LRIF1: variants seen among roughly 807,000 people sequenced by gnomAD.
LRIF1 encodes ligand-dependent nuclear receptor-interacting factor 1.
A neutral mutation model predicts 52.7 loss-of-function variants in LRIF1; 32 were observed. The observed-to-expected ratio is 0.61, with a 90% CI of 0.46 to 0.82. The LOEUF (loss-of-function observed/expected upper bound fraction) is 0.82, where lower values mean the gene tolerates loss of function less well. Ranked by LOEUF, LRIF1 falls within the 40% of genes least tolerant of loss-of-function variation. LRIF1 has a pLI of 0.00. For synonymous variants in LRIF1, 323 were observed against 317.4 expected, an observed-to-expected ratio of 1.02 and a Z score of -0.19; for missense variants, 887 against 892.0, an observed-to-expected ratio of 0.99 and a Z score of 0.07.
At chr1:110,931,168 T>C in the LRIF1 span, among the ~76,000 whole-genome samples, 1 of 152,168 alleles carries the variant, frequency 6.6e-6, no homozygotes, top group Non-Finnish European at 1.5e-5. Context: ...TGCTGTGTGA[T>C]GTTCCCCTCT....
chr1:110,893,890 T>C, the LRIF1 span, among the ~76,000 whole-genome samples: 1 of 152,220 alleles, frequency 6.6e-6, no homozygotes, highest in Non-Finnish European at 1.5e-5. Flanking sequence ...GCTAGGACCC[T>C]TCTTTCTACC....
At chr1:110,900,267 G>C in the LRIF1 span, among the ~76,000 whole-genome samples, 1 of 152,090 alleles carries the variant, frequency 6.6e-6, no homozygotes, top group South Asian at 2.1e-4. Context: ...GCCTTTCCAC[G>C]GGGCTTCCTT....
chr1:110,937,984 C>T, the LRIF1 span: 1 of 152,022 alleles, frequency 6.6e-6, no homozygotes, highest in African/African-American at 2.4e-5. Context: ...TTCCTAGACA[C>T]ATATAATGTT....
At chr1:110,909,838 C>T in the LRIF1 span, among the ~76,000 whole-genome samples, 1 of 152,060 alleles carries the variant, frequency 6.6e-6, no homozygotes, top group Non-Finnish European at 1.5e-5. Flanking sequence ...ACCTCTGCCT[C>T]CCAAAGTGCT....
the LRIF1 span, among the ~76,000 whole-genome samples, chr1:110,895,802 T>C: frequency 6.6e-6 from 1 of 152,200 alleles, no homozygotes; most frequent in African/African-American, 2.4e-5. Context: ...TCTTCAATAG[T>C]TAACATTTTC....
At chr1:110,954,321 T>C (rs1658604372) in intron 1 of LRIF1, among the ~76,000 whole-genome samples, 1 of 152,136 alleles carries the variant, frequency 6.6e-6, no homozygotes, top group Non-Finnish European at 1.5e-5. Flanking sequence ...GGCTCTGTCA[T>C]CCAGACTGGA....
intron 1 of LRIF1, among the ~76,000 whole-genome samples, chr1:110,956,689 T>G (rs1378686086): frequency 1.3e-5 from 2 of 152,142 alleles, no homozygotes; most frequent in Non-Finnish European, 2.9e-5. Context: ...GGAAAAGATC[T>G]CTGTAATAAA....
At chr1:110,896,722 C>G in the LRIF1 span, 2 of 1,612,464 alleles carry the variant, frequency 1.2e-6, no homozygotes, top group Non-Finnish European at 1.7e-6. Context: ...CCCCTCAGAT[C>G]GAAAAGTGGA....
At chr1:110,894,783 C>A in the LRIF1 span, among the ~76,000 whole-genome samples, 43 of 152,312 alleles carry the variant, frequency 2.8e-4, no homozygotes, top group Middle Eastern at 3.4e-3. Flanking sequence ...TCCTTCAATG[C>A]CACCTCATGC....
chr1:110,908,922 A>G, the LRIF1 span, among the ~76,000 whole-genome samples: 1 of 152,076 alleles, frequency 6.6e-6, no homozygotes, highest in African/African-American at 2.4e-5. Context: ...GACCATCCCC[A>G]AGCCACATTG....
At chr1:110,892,780 G>T in the LRIF1 span, 1 of 424,982 alleles carries the variant, frequency 2.4e-6, no homozygotes, top group Non-Finnish European at 4.2e-6. Flanking sequence ...AATGACTTTT[G>T]TCATTATTGT....
the LRIF1 span, chr1:110,937,508 A>T: frequency 6.6e-6 from 1 of 152,102 alleles, no homozygotes; most frequent in Non-Finnish European, 1.5e-5. Context: ...TTAAAAAGGA[A>T]ATTGAAAAAT....
chr1:110,951,041 T>C (rs1186538158), intron 2 of LRIF1, among the ~76,000 whole-genome samples: 5 of 152,196 alleles, frequency 3.3e-5, no homozygotes, highest in African/African-American at 1.2e-4. Flanking sequence ...TTTTTTGTTT[T>C]AAAGATTTGG....
At chr1:110,959,387 A>T (rs1658853241) in intron 1 of LRIF1, among the ~76,000 whole-genome samples, 1 of 152,200 alleles carries the variant, frequency 6.6e-6, no homozygotes, top group Non-Finnish European at 1.5e-5. Context: ...GGAGCATAAC[A>T]GTTATCATCT....
At position 110,952,558 on chromosome 1, in the gene LRIF1, G is replaced by T. The variant is rs746334473; in HGVS notation, c.326C>A (p.Thr109Lys). 1.9e-6 allele frequency: 3 copies of T among 1,613,978 alleles called. No individual in the cohort carries two copies. Among genetic ancestry groups the T allele is most frequent in the Non-Finnish European group, 8.5e-7 (1 of 1,179,872 alleles). ...TTTTTCTGATGTATCTACTGTTCTTGTAAGAAAATAGTTTGAAGAACTGGC... is the reference window on the plus strand; with the variant it reads ...TTTTTCTGATGTATCTACTGTTCTTTTAAGAAAATAGTTTGAAGAACTGGC... ...QPASSSNYFL[T>K]RTVDTSEKGR... The change falls in exon 2 of 4, where the codon ACA becomes AAA. Residue 109 changes from threonine to lysine, a missense_variant. Thr to Lys is a moderately conservative substitution (Grantham distance 78, BLOSUM62 -1). Coordinates refer to ENST00000369763, the MANE Select transcript of LRIF1 (RefSeq NM_018372.4).
In LRIF1 at chr1:110,947,963, T is replaced by G; in HGVS notation, c.2306A>C (p.Lys769Thr). Residue 769 changes from lysine to threonine, a missense_variant, in exon 4 of 4, where the codon AAA becomes ACA. Transcript: ENST00000369763. Reference sequence around the variant, plus strand: ...CTGAAGTCTTTACAGGAGATTTTATTTTTGGTGCATCTTCTTACGCATTTC... The same window carrying G: ...CTGAAGTCTTTACAGGAGATTTTATGTTTGGTGCATCTTCTTACGCATTTC... ...LEEMRKKMHQ[K>T] 6.4e-7 allele frequency: 1 copy of G among 1,567,852 alleles called. No individual in the cohort carries two copies. The highest frequency in any genetic ancestry group is 8.6e-7 in the Non-Finnish European group (1 of 1,161,536).
downstream of LRIF1, chr1:110,943,490 T>G (rs1016039946): frequency 6.6e-6 from 1 of 152,192 alleles, no homozygotes; most frequent in South Asian, 2.1e-4. Context: ...ATATATTTAT[T>G]AGGATTTATT....
the LRIF1 span, among the ~76,000 whole-genome samples, chr1:110,930,941 C>T: frequency 6.6e-6 from 1 of 151,998 alleles, no homozygotes; most frequent in Non-Finnish European, 1.5e-5. Context: ...GGGCTGGCAT[C>T]TTGACCCTGT....
At chr1:110,876,588 T>TA in the LRIF1 span, among the ~76,000 whole-genome samples, 2 of 152,160 alleles carry the variant, frequency 1.3e-5, no homozygotes, top group Non-Finnish European at 2.9e-5. Context: ...GTTTACTTGT[T>TA]AAAGTAAATT....
Sources: gnomAD v4.1 joint callset for allele counts (sites outside exome capture counted in the v4.1 genomes callset) on GRCh38, gnomAD v4.1.1 for gene constraint, MANE v1.5 for transcripts, NCBI Gene and HGNC (gene_info 2026-07-23, HGNC 2026-07-21) for gene names.